FARS2: variants seen among roughly 807,000 people sequenced by gnomAD.
FARS2 encodes phenylalanine--tRNA ligase, mitochondrial.
A neutral mutation model predicts 46.4 loss-of-function variants in FARS2; 40 were observed. The observed-to-expected ratio is 0.86, with a 90% CI of 0.67 to 1.12. FARS2 has a LOEUF of 1.12. FARS2 is among the 50% of genes most tolerant of loss of function. The pLI is 0.00. For missense variants in FARS2, 513 were observed against 567.9 expected (o/e 0.90, Z 0.98); for synonymous variants, 234 against 214.9 (o/e 1.09, Z -0.78).
intron 6 of FARS2, among the ~76,000 whole-genome samples, chr6:5,639,088 C>G (rs944945266): frequency 6.6e-6 from 1 of 152,258 alleles, no homozygotes; most frequent in Admixed American, 6.5e-5. Flanking sequence ...GACCTGTGTT[C>G]TGACCCCAGC....
chr6:5,585,342 C>T (rs973260786), intron 5 of FARS2, among the ~76,000 whole-genome samples: 15 of 152,178 alleles, frequency 9.9e-5, no homozygotes, highest in Admixed American at 5.2e-4. Context: ...GGACAACTGA[C>T]GTCTGCTCTC....
At chr6:5,514,517 G>A (rs1768666159) in intron 4 of FARS2, among the ~76,000 whole-genome samples, 1 of 152,142 alleles carries the variant, frequency 6.6e-6, no homozygotes, top group African/African-American at 2.4e-5. Context: ...GGACATTCTG[G>A]CCTTAGGGAA....
At chr6:5,722,311 G>A (rs1759964659) in intron 6 of FARS2, among the ~76,000 whole-genome samples, 1 of 152,160 alleles carries the variant, frequency 6.6e-6, no homozygotes, top group Admixed American at 6.5e-5. Flanking sequence ...ACCCCCACAG[G>A]TCTGCAGAAC....
chr6:5,294,691 A>G (rs186539938), intron 1 of FARS2, among the ~76,000 whole-genome samples: 3 of 152,226 alleles, frequency 2.0e-5, no homozygotes, highest in African/African-American at 7.2e-5. Flanking sequence ...GGTTTTTTAT[A>G]AAGGATATTG....
intron 6 of FARS2, among the ~76,000 whole-genome samples, chr6:5,673,522 G>T (rs1778590382): frequency 6.6e-6 from 1 of 152,146 alleles, no homozygotes; most frequent in Non-Finnish European, 1.5e-5. Flanking sequence ...AATGGGACTT[G>T]GGCGGTGAGG....
chr6:5,256,518 A>AAAAAAAAAAAAAAAAAAAAAAAAAC (rs1764683892), upstream of FARS2, among the ~76,000 whole-genome samples: 1 of 147,970 alleles, frequency 6.8e-6, no homozygotes, highest in Admixed American at 6.7e-5. Context: ...AAAAAAAAAA[A>AAAAAAAAAAAAAAAAAAAAAAAAAC]AAAAAAAAAA....
intron 4 of FARS2, among the ~76,000 whole-genome samples, chr6:5,442,681 A>G (rs141247697): frequency 0.013 from 2,031 of 152,240 alleles, 40 homozygotes; most frequent in African/African-American, 0.046. Flanking sequence ...TGTCAGATTT[A>G]GTCCCACCCT....
chr6:5,299,995 A>G (rs930882876), intron 1 of FARS2, among the ~76,000 whole-genome samples: 8 of 152,340 alleles, frequency 5.3e-5, no homozygotes, highest in African/African-American at 1.7e-4. Context: ...TTATTTATAT[A>G]TGAGAGCTCT....
chr6:5,283,002 T>C lies in FARS2; in HGVS notation c.-22+21342T>C, dbSNP rs561654874. 6.8e-4 allele frequency among the ~76,000 whole-genome samples: 104 copies of C among 152,184 alleles called. 1 individual carries two copies. The highest frequency in any genetic ancestry group is 1.3e-4 in the Non-Finnish European group (9 of 67,982). The stretch of plus-strand genomic sequence containing the variant: ...CTGTAATCCCAGCAGTTTGGGAGGC[T>C]GAGGCAGGTGGATCATTTGAGGTCA... On this transcript the variant is annotated intron_variant, in intron 1 of 6. Coordinates refer to ENST00000274680, the MANE Select transcript of FARS2 (RefSeq NM_006567.5).
intron 1 of FARS2, among the ~76,000 whole-genome samples, chr6:5,324,135 C>G (rs545923399): frequency 6.6e-6 from 1 of 152,186 alleles, no homozygotes; most frequent in Non-Finnish European, 1.5e-5. Context: ...AGAAGCCCCT[C>G]TCAGGTTTTA....
intron 6 of FARS2, among the ~76,000 whole-genome samples, chr6:5,739,601 A>G (rs13196261): frequency 0.017 from 2,554 of 152,350 alleles, 28 homozygotes; most frequent in Non-Finnish European, 0.026. Context: ...GGAAATGTCT[A>G]CAAGACAGAT....
chr6:5,458,667 T>C (rs1312708626), intron 4 of FARS2, among the ~76,000 whole-genome samples: 1 of 152,132 alleles, frequency 6.6e-6, no homozygotes, highest in Non-Finnish European at 1.5e-5. Context: ...AATAAGGACA[T>C]GTTTGTTGTT....
chr6:5,484,624 A>G (rs1766668765), intron 4 of FARS2, among the ~76,000 whole-genome samples: 1 of 152,248 alleles, frequency 6.6e-6, no homozygotes, highest in South Asian at 2.1e-4. Flanking sequence ...TCTCACGTGT[A>G]ACCTCTGGGA....
intron 5 of FARS2, among the ~76,000 whole-genome samples, chr6:5,603,033 C>T (rs1051225888): frequency 1.3e-5 from 2 of 152,168 alleles, no homozygotes; most frequent in African/African-American, 4.8e-5. Flanking sequence ...GCCCACGGCA[C>T]ACCAGTCAGG....
chr6:5,292,138 CTA>C (rs1357254520), intron 1 of FARS2, among the ~76,000 whole-genome samples: 1 of 151,908 alleles, frequency 6.6e-6, no homozygotes, highest in African/African-American at 2.4e-5. Context: ...GCTGAGGGAG[CTA>C]TGTTTGTATG....
At chr6:5,279,148 C>T (rs532435832) in intron 1 of FARS2, among the ~76,000 whole-genome samples, 1 of 152,006 alleles carries the variant, frequency 6.6e-6, no homozygotes, top group South Asian at 2.1e-4. Context: ...GAGGCCTAGG[C>T]GGGCGGATCA....
At chr6:5,346,848 C>A (rs905282210) in intron 1 of FARS2, among the ~76,000 whole-genome samples, 1 of 150,260 alleles carries the variant, frequency 6.7e-6, no homozygotes, top group South Asian at 2.1e-4. Context: ...ATTTATAATT[C>A]TTTTTTTAGA....
intron 6 of FARS2, among the ~76,000 whole-genome samples, chr6:5,618,566 C>G (rs2150688256): frequency 6.6e-6 from 1 of 152,270 alleles, no homozygotes; most frequent in East Asian, 1.9e-4. Context: ...GAGACATAAA[C>G]TGCCGAAGAA....
intron 4 of FARS2, among the ~76,000 whole-genome samples, chr6:5,432,787 A>G (rs1763302629): frequency 6.6e-6 from 1 of 151,980 alleles, no homozygotes; most frequent in East Asian, 1.9e-4. Flanking sequence ...AGAAATGTGA[A>G]TAGACCATGG....
Sources: gnomAD v4.1 joint callset for allele counts (sites outside exome capture counted in the v4.1 genomes callset) on GRCh38, gnomAD v4.1.1 for gene constraint, MANE v1.5 for transcripts, NCBI Gene and HGNC (gene_info 2026-07-23, HGNC 2026-07-21) for gene names.